The following TRDN variants were observed in gnomAD, a reference collection of about 807,000 sequenced individuals.
TRDN encodes the protein triadin.
TRDN carries 161 observed loss-of-function variants against 149.7 expected under a neutral mutation model. That is an observed-to-expected ratio of 1.08 (90% CI 0.95 to 1.23). The LOEUF is 1.23. Among genes scored for constraint, TRDN ranks in the 50% most tolerant of loss-of-function variants. The probability of loss-of-function intolerance (pLI) is 0.00; values close to 1 mark genes in which losing one functional copy is unlikely to be tolerated. For synonymous variants in TRDN, 294 were observed against 250.5 expected (o/e 1.17, Z -1.64); for missense variants, 896 against 823.5 (o/e 1.09, Z -1.08).
intron 14 of TRDN, among the ~76,000 whole-genome samples, chr6:123,385,260 T>A (rs1490031047): frequency 6.6e-6 from 1 of 151,856 alleles, no homozygotes; most frequent in Non-Finnish European, 1.5e-5. Flanking sequence ...ACCCCGTCTC[T>A]ACTAAAAATA....
chr6:123,629,774 T>C (rs1453049116), intron 1 of TRDN, among the ~76,000 whole-genome samples: 1 of 152,034 alleles, frequency 6.6e-6, no homozygotes, highest in Non-Finnish European at 1.5e-5. Context: ...ACTTCAGGCA[T>C]GGAGATGTGG....
intron 2 of TRDN, among the ~76,000 whole-genome samples, chr6:123,560,512 G>T (rs1467168383): frequency 6.6e-6 from 1 of 152,068 alleles, no homozygotes; most frequent in Non-Finnish European, 1.5e-5. Context: ...CCATCAAAAG[G>T]CATCAGATCC....
At position 123,260,643 on chromosome 6, in the gene TRDN, A is replaced by T; in HGVS notation, c.1805-5T>A. 3.3e-6 allele frequency: 4 copies of T among 1,228,494 alleles called. No individual in the cohort carries two copies. Among genetic ancestry groups the T allele is most frequent in the Non-Finnish European group, 4.2e-6 (4 of 950,270 alleles). 76.1% of individuals were successfully genotyped at this position (1,228,494 alleles called of 1,614,324 possible). A position where few individuals can be genotyped will look rare whatever the true frequency, so the allele number is the denominator to read the frequency against. ...CTGTGACTTCTGATGTTCCTTCTTT[A>T]GAAAAAAAAAAAAAAAGAATGTAGA... On this transcript the variant is annotated splice_region_variant and splice_polypyrimidine_tract_variant and intron_variant, in intron 33 of 40. Transcript: ENST00000334268.
chr6:123,416,962 C>G (rs1773680098), intron 12 of TRDN, among the ~76,000 whole-genome samples: 1 of 152,162 alleles, frequency 6.6e-6, no homozygotes, highest in Non-Finnish European at 1.5e-5. Context: ...CTCCGTCTCC[C>G]AAAGTTGTGG....
At chr6:123,478,438 C>T (rs1777598170) in intron 9 of TRDN, among the ~76,000 whole-genome samples, 1 of 152,128 alleles carries the variant, frequency 6.6e-6, no homozygotes, top group African/African-American at 2.4e-5. Flanking sequence ...ACTAAGTCTT[C>T]ATTTTTTAAA....
intron 4 of TRDN, among the ~76,000 whole-genome samples, chr6:123,536,925 G>A (rs527966841): frequency 5.4e-4 from 82 of 151,646 alleles, no homozygotes; most frequent in African/African-American, 1.8e-3. Flanking sequence ...AAAAACAACT[G>A]CAACAATTGA....
chr6:123,351,609 T>G (rs1780465258), intron 21 of TRDN: 3 of 966,468 alleles, frequency 3.1e-6, no homozygotes, highest in Non-Finnish European at 3.7e-6. Context: ...CTTAACTGAA[T>G]TCTTAACCTT....
At chr6:123,277,738 A>C (rs1479438385) in intron 26 of TRDN, among the ~76,000 whole-genome samples, 1 of 152,146 alleles carries the variant, frequency 6.6e-6, no homozygotes, top group Non-Finnish European at 1.5e-5. Context: ...TGACACCTTC[A>C]TTTTGGACAT....
At chr6:123,487,609 A>G (rs1339282953) in intron 9 of TRDN, among the ~76,000 whole-genome samples, 1 of 152,080 alleles carries the variant, frequency 6.6e-6, no homozygotes, top group Non-Finnish European at 1.5e-5. Flanking sequence ...CTTTATGCCA[A>G]ATATCACCTC....
chr6:123,373,466 G>A (rs1012572317), intron 19 of TRDN, among the ~76,000 whole-genome samples: 16 of 152,090 alleles, frequency 1.1e-4, no homozygotes, highest in African/African-American at 3.9e-4. Flanking sequence ...CATGAAAAGG[G>A]ACTAATATAT....
At chr6:123,554,582 A>G (rs948278983) in intron 2 of TRDN, among the ~76,000 whole-genome samples, 1 of 152,152 alleles carries the variant, frequency 6.6e-6, no homozygotes, top group Non-Finnish European at 1.5e-5. Flanking sequence ...CCTGAGTTAC[A>G]TGTCAATTTT....
chr6:123,225,271 C>T (rs920319122), intron 38 of TRDN, among the ~76,000 whole-genome samples: 2 of 151,570 alleles, frequency 1.3e-5, no homozygotes, highest in Non-Finnish European at 3.0e-5. Flanking sequence ...AACTCTTGTT[C>T]ACTTTTGATG....
At chr6:123,243,736 G>A (rs2114550394) in intron 38 of TRDN, among the ~76,000 whole-genome samples, 1 of 151,966 alleles carries the variant, frequency 6.6e-6, no homozygotes, top group African/African-American at 2.4e-5. Flanking sequence ...ACAGGTCTTT[G>A]GAAATAAACC....
chr6:123,510,445 G>A (rs552490261), intron 7 of TRDN, among the ~76,000 whole-genome samples: 274 of 152,124 alleles, frequency 1.8e-3, no homozygotes, highest in African/African-American at 6.4e-3. Flanking sequence ...TAGGGAATAA[G>A]ATTAAATTAC....
chr6:123,239,789 A>G (rs1775919872), intron 38 of TRDN, among the ~76,000 whole-genome samples: 1 of 152,190 alleles, frequency 6.6e-6, no homozygotes, highest in Admixed American at 6.5e-5. Flanking sequence ...TACATATGTA[A>G]AAGTAGAAAG....
At chr6:123,403,575 A>G (rs976744833) in intron 12 of TRDN, among the ~76,000 whole-genome samples, 3 of 152,174 alleles carry the variant, frequency 2.0e-5, no homozygotes, top group Non-Finnish European at 4.4e-5. Flanking sequence ...ATGTGTGGGA[A>G]GAAATAAGAA....
At chr6:123,346,133 G>A (rs894944919) in intron 21 of TRDN, among the ~76,000 whole-genome samples, 11 of 152,042 alleles carry the variant, frequency 7.2e-5, no homozygotes, top group Non-Finnish European at 1.3e-4. Context: ...TTTTAACTTC[G>A]CACCATTAAA....
At chr6:123,426,231 GA>G (rs1156261339) in intron 12 of TRDN, among the ~76,000 whole-genome samples, 4 of 151,788 alleles carry the variant, frequency 2.6e-5, no homozygotes, top group East Asian at 1.9e-4. Context: ...TATTTTCTGA[GA>G]AAAAAAGGAA....
intron 12 of TRDN, among the ~76,000 whole-genome samples, chr6:123,410,050 G>T (rs181672339): frequency 6.6e-6 from 1 of 152,306 alleles, no homozygotes; most frequent in African/African-American, 2.4e-5. Flanking sequence ...GATCAGGAAA[G>T]ACATTGAAAC....
Sources: gnomAD v4.1 joint callset for allele counts (sites outside exome capture counted in the v4.1 genomes callset) on GRCh38, gnomAD v4.1.1 for gene constraint, MANE v1.5 for transcripts, NCBI Gene and HGNC (gene_info 2026-07-23, HGNC 2026-07-21) for gene names.